Variants in ITGA9 observed in about 807,000 individuals in gnomAD.
The protein encoded by ITGA9 is integrin subunit alpha 9.
In ITGA9, 56 loss-of-function variants were observed where a neutral mutation model predicts 127.8. The ratio of observed to expected loss-of-function variants is 0.44; its 90% CI spans 0.35 to 0.55. The LOEUF (loss-of-function observed/expected upper bound fraction) is 0.55. ITGA9 is among the 20% of genes least tolerant of loss of function. The pLI, the probability that ITGA9 is intolerant of heterozygous loss-of-function variation, is 0.00. For missense variants in ITGA9, 1,196 were observed against 1,347.1 expected, an observed-to-expected ratio of 0.89 and a Z score of 1.76; for synonymous variants, 508 against 514.5, an observed-to-expected ratio of 0.99 and a Z score of 0.17.
At chr3:37,593,382 T>G (rs914739333) in intron 15 of ITGA9, among the ~76,000 whole-genome samples, 1 of 152,240 alleles carries the variant, frequency 6.6e-6, no homozygotes, top group African/African-American at 2.4e-5. Context: ...GTGGAACCCA[T>G]AGATACAGAG....
intron 15 of ITGA9, among the ~76,000 whole-genome samples, chr3:37,547,556 TTTTC>T (rs1341446596): frequency 6.6e-6 from 1 of 152,208 alleles, no homozygotes; most frequent in African/African-American, 2.4e-5. Flanking sequence ...AACTTTTTTT[TTTTC>T]TTGTTTAAGA....
Position 37,575,175 on chromosome 3 carries a change from T to A in ITGA9, c.1689+32590T>A, listed in dbSNP as rs903506618. Reference sequence around the variant, plus strand: ...CCGTGCCCTGTGCTGCTGGTGCCACTCATCCTAGGGCATTCCTGCTTGGCA... The same window carrying A: ...CCGTGCCCTGTGCTGCTGGTGCCACACATCCTAGGGCATTCCTGCTTGGCA... On this transcript the variant is annotated intron_variant, in intron 15 of 27. Transcript: ENST00000264741. Among the ~76,000 whole-genome samples the A allele has an allele frequency of 3.9e-5, 6 of 152,138 alleles. No individual in the cohort carries two copies. The East Asian group carries it at 1.2e-3, about 29-fold the overall frequency.
intron 3 of ITGA9, among the ~76,000 whole-genome samples, chr3:37,480,334 C>T (rs1187271432): frequency 6.6e-6 from 1 of 152,150 alleles, no homozygotes; most frequent in African/African-American, 2.4e-5. Flanking sequence ...TGCGTGGCTT[C>T]GACCCTAGTG....
At chr3:37,800,051 G>A (rs940948816) in intron 26 of ITGA9, among the ~76,000 whole-genome samples, 5 of 152,304 alleles carry the variant, frequency 3.3e-5, no homozygotes, top group Middle Eastern at 3.4e-3. Context: ...CGCATCCAAG[G>A]GGATGAACAG....
intron 27 of ITGA9, among the ~76,000 whole-genome samples, chr3:37,804,452 C>G (rs948809948): frequency 6.6e-6 from 1 of 152,156 alleles, no homozygotes; most frequent in Non-Finnish European, 1.5e-5. Flanking sequence ...AGGGTGCAGA[C>G]CTGTCCTGCC....
intron 13 of ITGA9, among the ~76,000 whole-genome samples, chr3:37,531,984 G>A (rs1579091521): frequency 1.3e-5 from 2 of 152,178 alleles, no homozygotes; most frequent in South Asian, 4.1e-4. Context: ...CTGTTGAAAG[G>A]TCGACGGGGT....
intron 18 of ITGA9, among the ~76,000 whole-genome samples, chr3:37,703,391 C>A (rs1331807384): frequency 1.3e-5 from 2 of 152,208 alleles, no homozygotes; most frequent in Admixed American, 1.3e-4. Flanking sequence ...GAGATTACAA[C>A]TTTCTTTTTC....
chr3:37,453,802 A>ACT (rs1698228162), intron 1 of ITGA9, among the ~76,000 whole-genome samples: 2 of 151,892 alleles, frequency 1.3e-5, no homozygotes, highest in South Asian at 4.2e-4. Context: ...GGAAAAGGGG[A>ACT]CTCTGAGACC....
At chr3:37,817,315 G>A (rs986094494) in intron 27 of ITGA9, among the ~76,000 whole-genome samples, 4 of 152,200 alleles carry the variant, frequency 2.6e-5, no homozygotes, top group African/African-American at 9.6e-5. Flanking sequence ...TGATACCATG[G>A]TACCACAACC....
intron 14 of ITGA9, among the ~76,000 whole-genome samples, chr3:37,540,091 G>A (rs912216399): frequency 1.3e-4 from 20 of 152,208 alleles, no homozygotes; most frequent in African/African-American, 4.8e-4. Context: ...AATACCATCA[G>A]TTCCATCTTC....
intron 16 of ITGA9, among the ~76,000 whole-genome samples, chr3:37,644,721 G>A (rs539443868): frequency 2.8e-4 from 42 of 152,240 alleles, no homozygotes; most frequent in Non-Finnish European, 5.1e-4. Flanking sequence ...AATTGGTGCC[G>A]GGTTTGTATT....
intron 18 of ITGA9, among the ~76,000 whole-genome samples, chr3:37,706,246 C>G (rs967237124): frequency 1.3e-5 from 2 of 152,106 alleles, no homozygotes; most frequent in African/African-American, 4.8e-5. Context: ...ATCAATATGC[C>G]CTCTCTCTAT....
intron 23 of ITGA9, among the ~76,000 whole-genome samples, chr3:37,760,432 G>T (rs1013973721): frequency 2.0e-5 from 3 of 152,154 alleles, no homozygotes; most frequent in African/African-American, 7.2e-5. Context: ...AAGCAAAATG[G>T]TTGAAGCCCC....
At chr3:37,664,792 A>G (rs1033654029) in intron 17 of ITGA9, among the ~76,000 whole-genome samples, 1 of 152,066 alleles carries the variant, frequency 6.6e-6, no homozygotes, top group Non-Finnish European at 1.5e-5. Flanking sequence ...GCATGCCAGC[A>G]GTTTCCTAAA....
chr3:37,459,644 G>A (rs115018494), intron 1 of ITGA9, among the ~76,000 whole-genome samples: 128 of 152,330 alleles, frequency 8.4e-4, no homozygotes, highest in African/African-American at 3.0e-3. Flanking sequence ...ATTCATGGAG[G>A]GGAAGCTGAG....
At chr3:37,588,803 C>T (rs539402154) in intron 15 of ITGA9, among the ~76,000 whole-genome samples, 1 of 152,286 alleles carries the variant, frequency 6.6e-6, no homozygotes, top group South Asian at 2.1e-4. Flanking sequence ...CTGAGCATGG[C>T]TGGTAAATCT....
intron 18 of ITGA9, among the ~76,000 whole-genome samples, chr3:37,710,884 C>G (rs905488094): frequency 1.3e-5 from 2 of 152,238 alleles, no homozygotes; most frequent in African/African-American, 4.8e-5. Context: ...TCTCTGCTTC[C>G]TCATCTGGAT....
At chr3:37,616,774 C>G (rs974200050) in intron 15 of ITGA9, among the ~76,000 whole-genome samples, 178 of 152,302 alleles carry the variant, frequency 1.2e-3, no homozygotes, top group African/African-American at 4.0e-3. Context: ...TTATCAGAGA[C>G]TAGGATTGCA....
At position 37,526,037 on chromosome 3, in the gene ITGA9, G is replaced by A; in HGVS notation, c.1339G>A (p.Gly447Arg). ...DGNGYPDVTV[G>R]AFMSDSVVLL... ...CTTCTCATTTTCAGATGTCACTGTTGGAGCCTTCATGTCCGACAGCGTGGT... is the reference window on the plus strand; with the variant it reads ...CTTCTCATTTTCAGATGTCACTGTTAGAGCCTTCATGTCCGACAGCGTGGT... The change falls in exon 13 of 28, where the codon GGA becomes AGA. Residue 447 changes from glycine (G) to arginine (R), a missense_variant. Physicochemically the swap from Gly to Arg is moderately radical, Grantham distance 125. Transcript: ENST00000264741. The A allele has an allele frequency of 1.2e-6, 2 of 1,614,042 alleles. No individual in the cohort carries two copies. The highest frequency in any genetic ancestry group is 1.7e-6 in the Non-Finnish European group (2 of 1,179,986).
Sources: gnomAD v4.1 joint callset for allele counts (sites outside exome capture counted in the v4.1 genomes callset) on GRCh38, gnomAD v4.1.1 for gene constraint, MANE v1.5 for transcripts, NCBI Gene and HGNC (gene_info 2026-07-23, HGNC 2026-07-21) for gene names.